The following GPATCH2 variants were observed in gnomAD, a reference collection of about 807,000 sequenced individuals.
GPATCH2 encodes G-patch domain containing 2.
Under a neutral mutation model 58.0 loss-of-function variants are expected in GPATCH2, and 51 were observed. The observed-to-expected ratio is 0.88, with a 90% CI of 0.70 to 1.11. The LOEUF is 1.11. GPATCH2 is among the 50% of genes most tolerant of loss of function. The pLI is 0.00. For synonymous variants in GPATCH2, 222 were observed against 218.5 expected (o/e 1.02, Z -0.14); for missense variants, 625 against 652.2 (o/e 0.96, Z 0.45).
At chr1:217,512,770 G>A (rs1286979482) in intron 6 of GPATCH2, among the ~76,000 whole-genome samples, 1 of 152,218 alleles carries the variant, frequency 6.6e-6, no homozygotes, top group African/African-American at 2.4e-5. Context: ...TCCTTAGGCA[G>A]ATGATAAACC....
intron 5 of GPATCH2, among the ~76,000 whole-genome samples, chr1:217,565,758 A>T (rs1666194014): frequency 1.7e-5 from 1 of 59,682 alleles, no homozygotes; most frequent in Non-Finnish European, 5.2e-5. Context: ...AACGTATATA[A>T]AAAAAAGTTC....
intron 9 of GPATCH2, among the ~76,000 whole-genome samples, chr1:217,441,004 T>C (rs1035285609): frequency 6.6e-6 from 1 of 152,172 alleles, no homozygotes; most frequent in African/African-American, 2.4e-5. Flanking sequence ...TGGAAAAAAC[T>C]ACTTTAAAGT....
Position 217,514,864 on chromosome 1 carries a change from T to C in GPATCH2, c.1124A>G (p.Asn375Ser). ...CGGGGAAAAATGAACCATTCTCTTG[T>C]TACCCACTGGGCCAGGAATGGGTAC... The part of the protein sequence containing the change: ...SMVPIPGPVG[N>S]KRMVHFSPDS... Residue 375 changes from asparagine (N) to serine (S), a missense_variant, in exon 6 of 10, where the codon AAC becomes AGC. Asn to Ser is a conservative substitution (Grantham distance 46). Coordinates refer to ENST00000366935, the MANE Select transcript of GPATCH2 (RefSeq NM_018040.5). The C allele has an allele frequency of 6.5e-7, 1 of 1,536,540 alleles. No individual in the cohort carries two copies. The highest frequency in any genetic ancestry group is 9.0e-7 in the Non-Finnish European group (1 of 1,109,464).
chr1:217,451,918 G>C (rs1382184433), intron 8 of GPATCH2, among the ~76,000 whole-genome samples: 1 of 152,190 alleles, frequency 6.6e-6, no homozygotes, highest in Non-Finnish European at 1.5e-5. Context: ...TTCTATACTT[G>C]CTGAACGAAT....
intron 2 of GPATCH2, 52 bp downstream of exon 2, chr1:217,619,731 A>G (rs954153122): frequency 5.9e-6 from 4 of 672,350 alleles, no homozygotes; most frequent in African/African-American, 3.7e-5. Flanking sequence ...AAAACATTCA[A>G]CCACAAACAC....
intron 9 of GPATCH2, among the ~76,000 whole-genome samples, chr1:217,433,919 G>A (rs1658680492): frequency 6.6e-6 from 1 of 152,094 alleles, no homozygotes; most frequent in Non-Finnish European, 1.5e-5. Flanking sequence ...CTACACCCCT[G>A]TTATTTACTA....
At chr1:217,436,491 C>T (rs781352203) in intron 9 of GPATCH2, among the ~76,000 whole-genome samples, 12 of 152,122 alleles carry the variant, frequency 7.9e-5, no homozygotes, top group Non-Finnish European at 1.8e-4. Flanking sequence ...TACCTGATTC[C>T]CCTGATTCCC....
At chr1:217,432,824 C>T (rs866805417) in intron 9 of GPATCH2, among the ~76,000 whole-genome samples, 30 of 152,158 alleles carry the variant, frequency 2.0e-4, no homozygotes, top group African/African-American at 5.6e-4. Context: ...AGTCCAATCT[C>T]TTACACCAGG....
chr1:217,435,197 C>A (rs191023062), intron 9 of GPATCH2, among the ~76,000 whole-genome samples: 3 of 152,286 alleles, frequency 2.0e-5, no homozygotes, highest in Admixed American at 2.0e-4. Flanking sequence ...TCCTTTAAGA[C>A]CTTTCCTAGA....
chr1:217,609,657 T>C, intron 5 of GPATCH2: 1 of 976,376 alleles, frequency 1.0e-6, no homozygotes, highest in Non-Finnish European at 1.2e-6. Flanking sequence ...ATACCCTGAG[T>C]AAAATGCAAA....
chr1:217,450,235 C>A (rs1447218492), intron 8 of GPATCH2, among the ~76,000 whole-genome samples: 1 of 151,882 alleles, frequency 6.6e-6, no homozygotes, highest in African/African-American at 2.4e-5. Context: ...TAAATGAAAG[C>A]ATGTTTATGA....
At chr1:217,493,569 T>C (rs1265173128) in intron 7 of GPATCH2, among the ~76,000 whole-genome samples, 1 of 152,164 alleles carries the variant, frequency 6.6e-6, no homozygotes, top group African/African-American at 2.4e-5. Flanking sequence ...ATCTGGTATC[T>C]GATATGTAGC....
At chr1:217,579,629 A>C (rs1246463405) in intron 5 of GPATCH2, among the ~76,000 whole-genome samples, 3 of 152,198 alleles carry the variant, frequency 2.0e-5, no homozygotes, top group Non-Finnish European at 4.4e-5. Context: ...TGAATGCCAA[A>C]TCCTAAATTC....
At chr1:217,558,388 A>C (rs1406476927) in intron 5 of GPATCH2, among the ~76,000 whole-genome samples, 2 of 152,214 alleles carry the variant, frequency 1.3e-5, no homozygotes, top group Non-Finnish European at 2.9e-5. Context: ...TTAATCTAAC[A>C]TTAAACAACA....
intron 9 of GPATCH2, among the ~76,000 whole-genome samples, chr1:217,445,336 C>CA (rs1008103273): frequency 1.3e-5 from 2 of 152,006 alleles, no homozygotes; most frequent in Non-Finnish European, 2.9e-5. Flanking sequence ...CATAATATCT[C>CA]AAAAAAGGAA....
intron 2 of GPATCH2, among the ~76,000 whole-genome samples, chr1:217,616,601 T>C (rs1668897136): frequency 6.6e-6 from 1 of 152,170 alleles, no homozygotes; most frequent in Non-Finnish European, 1.5e-5. Context: ...TCTAGAGTTG[T>C]TCCGTGTACA....
At chr1:217,601,050 T>C (rs1392517151) in intron 5 of GPATCH2, among the ~76,000 whole-genome samples, 1 of 152,092 alleles carries the variant, frequency 6.6e-6, no homozygotes, top group African/African-American at 2.4e-5. Context: ...AAAAATAAAA[T>C]GCAGAAAGCA....
intron 9 of GPATCH2, among the ~76,000 whole-genome samples, chr1:217,439,821 G>T (rs1221212762): frequency 6.6e-6 from 1 of 152,152 alleles, no homozygotes; most frequent in African/African-American, 2.4e-5. Flanking sequence ...GCAGGAAGAA[G>T]TCGAATCCCT....
At chr1:217,509,934 A>G (rs1662763888) in intron 6 of GPATCH2, among the ~76,000 whole-genome samples, 2 of 152,202 alleles carry the variant, frequency 1.3e-5, no homozygotes, top group African/African-American at 4.8e-5. Context: ...TGCTGATACG[A>G]ATTTGAGGGG....
Sources: gnomAD v4.1 joint callset for allele counts (sites outside exome capture counted in the v4.1 genomes callset) on GRCh38, gnomAD v4.1.1 for gene constraint, MANE v1.5 for transcripts, NCBI Gene and HGNC (gene_info 2026-07-23, HGNC 2026-07-21) for gene names.